The following RERE variants were observed in gnomAD, a reference collection of about 807,000 sequenced individuals.
RERE encodes the protein arginine-glutamic acid dipeptide repeats.
RERE carries 40 observed loss-of-function variants against 146.1 expected under a neutral mutation model. The ratio of observed to expected loss-of-function variants is 0.27; its 90% CI spans 0.21 to 0.36. RERE has a LOEUF of 0.36. Ranked by LOEUF, RERE falls within the 10% of genes least tolerant of loss-of-function variation. The pLI, the probability that RERE is intolerant of heterozygous loss-of-function variation, is 1.00. For synonymous variants in RERE, 1,003 were observed against 866.0 expected, an observed-to-expected ratio of 1.16 and a Z score of -2.78; for missense variants, 1,933 against 2,138.7, an observed-to-expected ratio of 0.90 and a Z score of 1.90.
chr1:8,595,276 T>C (rs1040635078), intron 4 of RERE, among the ~76,000 whole-genome samples: 9 of 151,574 alleles, frequency 5.9e-5, no homozygotes, highest in African/African-American at 2.2e-4. Context: ...TTATTTCATC[T>C]GAAAAAAAAA....
intron 1 of RERE, among the ~76,000 whole-genome samples, chr1:8,725,304 G>A (rs755945717): frequency 2.6e-5 from 4 of 152,184 alleles, no homozygotes; most frequent in Non-Finnish European, 4.4e-5. Flanking sequence ...GGTGGCTCAC[G>A]CCTGTAATCC....
intron 1 of RERE, among the ~76,000 whole-genome samples, chr1:8,802,879 C>G (rs1166141224): frequency 6.6e-6 from 1 of 152,096 alleles, no homozygotes; most frequent in Non-Finnish European, 1.5e-5. Flanking sequence ...TGTTTACCTG[C>G]AACAAACGCT....
chr1:8,380,559 G>A (rs1642410090), intron 12 of RERE, among the ~76,000 whole-genome samples: 1 of 152,090 alleles, frequency 6.6e-6, no homozygotes, highest in Non-Finnish European at 1.5e-5. Context: ...ATGTTGACCA[G>A]GCTAGTCTCA....
intron 1 of RERE, chr1:8,798,476 G>T: frequency 4.8e-6 from 1 of 207,544 alleles, no homozygotes; most frequent in South Asian, 9.4e-5. Flanking sequence ...ATAAAAACGG[G>T]CAAGTTCATG....
intron 7 of RERE, among the ~76,000 whole-genome samples, chr1:8,522,868 C>G (rs1358069003): frequency 1.4e-5 from 2 of 145,384 alleles, no homozygotes; most frequent in African/African-American, 5.2e-5. Context: ...AGCGAGACTC[C>G]GTCTCAAAAA....
At chr1:8,409,373 G>A (rs1643548792) in intron 12 of RERE, among the ~76,000 whole-genome samples, 1 of 152,194 alleles carries the variant, frequency 6.6e-6, no homozygotes, top group Admixed American at 6.5e-5. Flanking sequence ...TCTAACAACC[G>A]CATGAGGCAG....
At chr1:8,786,908 C>A (rs1166281695) in intron 1 of RERE, 5 of 828,640 alleles carry the variant, frequency 6.0e-6, no homozygotes, top group African/African-American at 1.7e-5. Context: ...ACAACAGGAA[C>A]CTTCTTCTTC....
chr1:8,728,145 T>C (rs182807987), intron 1 of RERE, among the ~76,000 whole-genome samples: 2 of 152,324 alleles, frequency 1.3e-5, no homozygotes. Flanking sequence ...AATGCACTAA[T>C]GAGAAGCCAT....
rs549693359 is a variant in RERE at position 8,636,906 on chromosome 1, T to C, written c.326-12526A>G. 2.5e-4 allele frequency among the ~76,000 whole-genome samples: 38 copies of C among 152,242 alleles called. No homozygotes were observed. The South Asian group carries it at 7.7e-3, about 31-fold the overall frequency. ...TGTAGCTCAAGAACCAAGCCGAGAA[T>C]CCACACCTCCTGATTCACAGTTCAG... On this transcript the variant is annotated intron_variant, in intron 2 of 22. Coordinates refer to ENST00000400908, the MANE Select transcript of RERE (RefSeq NM_001042681.2).
In RERE at chr1:8,361,819, C is replaced by G. The variant is rs1433178281; in HGVS notation, c.1960G>C (p.Val654Leu). The change falls in exon 17 of 23, where the codon GTG becomes CTG. Residue 654 changes from valine to leucine, a missense_variant. Physicochemically the swap from Val to Leu is conservative, Grantham distance 32. Coordinates refer to ENST00000400908, the MANE Select transcript of RERE (RefSeq NM_001042681.2). ...TCAGCCTCCTCCGTATCAGAGGCCA[C>G]CTTCTCCCGCTGGCGTTTGTTACTC... ...LKSNKRQREK[V>L]ASDTEEADRT... 1.9e-6 allele frequency: 3 copies of G among 1,614,144 alleles called. No individual in the cohort carries two copies. The highest frequency in any genetic ancestry group is 2.5e-6 in the Non-Finnish European group (3 of 1,179,960).
intron 1 of RERE, among the ~76,000 whole-genome samples, chr1:8,726,404 C>T (rs574331555): frequency 1.3e-5 from 2 of 152,160 alleles, no homozygotes; most frequent in Admixed American, 6.5e-5. Context: ...CCACCCGCCT[C>T]GGCCTCCCAA....
At chr1:8,692,922 A>C (rs867146619) in intron 1 of RERE, among the ~76,000 whole-genome samples, 1 of 152,196 alleles carries the variant, frequency 6.6e-6, no homozygotes, top group African/African-American at 2.4e-5. Context: ...TACAAGACAG[A>C]GTATGAGGCA....
chr1:8,800,399 G>C (rs926923938), intron 1 of RERE, among the ~76,000 whole-genome samples: 1 of 152,084 alleles, frequency 6.6e-6, no homozygotes, highest in Non-Finnish European at 1.5e-5. Context: ...CACTCAGAAC[G>C]AAGTATTCCA....
intron 1 of RERE, among the ~76,000 whole-genome samples, chr1:8,743,796 C>T (rs908895777): frequency 1.1e-4 from 17 of 152,062 alleles, no homozygotes; most frequent in Non-Finnish European, 4.4e-5. Context: ...TTCTTTAGGC[C>T]CACCATGACC....
intron 1 of RERE, among the ~76,000 whole-genome samples, chr1:8,723,016 C>G (rs187896528): frequency 3.7e-4 from 57 of 152,306 alleles, no homozygotes; most frequent in African/African-American, 1.2e-3. Context: ...CTCTACCTAT[C>G]AAAAACTACT....
At chr1:8,723,540 T>C (rs78804363) in intron 1 of RERE, among the ~76,000 whole-genome samples, 1,919 of 152,312 alleles carry the variant, frequency 0.013, 47 homozygotes, top group African/African-American at 0.045. Flanking sequence ...GCCATTTTCA[T>C]GGCCTAGTAA....
chr1:8,585,467 T>C (rs1049196796), intron 4 of RERE, among the ~76,000 whole-genome samples: 2 of 152,222 alleles, frequency 1.3e-5, no homozygotes, highest in African/African-American at 2.4e-5. Context: ...GCTCTTGCGA[T>C]AACATCTCTC....
At chr1:8,367,128 G>GA (rs1394641249) in intron 12 of RERE, among the ~76,000 whole-genome samples, 1 of 152,282 alleles carries the variant, frequency 6.6e-6, no homozygotes, top group African/African-American at 2.4e-5. Context: ...AGAGAGAGGG[G>GA]AAAGTGAGAG....
intron 11 of RERE, among the ~76,000 whole-genome samples, chr1:8,443,898 G>A (rs1480447395): frequency 6.6e-6 from 1 of 152,206 alleles, no homozygotes; most frequent in Non-Finnish European, 1.5e-5. Flanking sequence ...CAAGATTTCA[G>A]AGGATGTATC....
Sources: gnomAD v4.1 joint callset for allele counts (sites outside exome capture counted in the v4.1 genomes callset) on GRCh38, gnomAD v4.1.1 for gene constraint, MANE v1.5 for transcripts, NCBI Gene and HGNC (gene_info 2026-07-23, HGNC 2026-07-21) for gene names.